The following TENM3 variants were observed in gnomAD, a reference collection of about 807,000 sequenced individuals.
TENM3 encodes the protein teneurin-3.
TENM3 carries 63 observed loss-of-function variants against 255.1 expected under a neutral mutation model. The observed-to-expected ratio is 0.25, with a 90% CI of 0.20 to 0.30. The LOEUF (loss-of-function observed/expected upper bound fraction) is 0.30, where lower values mean the gene tolerates loss of function less well. Among genes scored for constraint, TENM3 ranks in the 10% least tolerant of loss-of-function variants. TENM3 has a pLI of 1.00. For missense variants in TENM3, 2,929 were observed against 3,461.1 expected, an observed-to-expected ratio of 0.85 and a Z score of 3.86; for synonymous variants, 1,306 against 1,322.3, an observed-to-expected ratio of 0.99 and a Z score of 0.27.
intron 3 of TENM3, among the ~76,000 whole-genome samples, chr4:182,576,905 G>A (rs144291127): frequency 1.3e-5 from 2 of 152,270 alleles, no homozygotes; most frequent in Non-Finnish European, 2.9e-5. Context: ...TGCAAATGCC[G>A]AAGCGGAACA....
intron 1 of TENM3, among the ~76,000 whole-genome samples, chr4:182,272,336 A>G (rs1759698044): frequency 6.6e-6 from 1 of 152,206 alleles, no homozygotes; most frequent in Non-Finnish European, 1.5e-5. Flanking sequence ...GTAACAACGC[A>G]TTGCTCTTTG....
chr4:182,714,315 CAAAAAA>C (rs374337174), intron 13 of TENM3, 82 bp downstream of exon 13: 820 of 137,464 alleles, frequency 6.0e-3, no homozygotes, highest in East Asian at 0.018. Flanking sequence ...TATCTGTTGC[CAAAAAA>C]AAAAAAAAAA....
intron 1 of TENM3, among the ~76,000 whole-genome samples, chr4:182,275,087 C>A (rs58422785): frequency 6.6e-6 from 1 of 152,036 alleles, no homozygotes; most frequent in African/African-American, 2.4e-5. Context: ...GGCCTCCCAG[C>A]GTGCTGGGAT....
chr4:182,461,870 G>A (rs1205109989), intron 3 of TENM3, among the ~76,000 whole-genome samples: 1 of 152,090 alleles, frequency 6.6e-6, no homozygotes, highest in Non-Finnish European at 1.5e-5. Context: ...CTAAGATAGG[G>A]ACAGATCCAG....
intron 2 of TENM3, 22 bp from the exon 3 acceptor site, chr4:182,346,629 A>T: frequency 6.2e-7 from 1 of 1,604,898 alleles, no homozygotes; most frequent in Non-Finnish European, 8.5e-7. Flanking sequence ...ACTAGTTGTT[A>T]TCTTTTTTTC....
chr4:182,785,071 C>T (rs1765528430), intron 24 of TENM3, among the ~76,000 whole-genome samples: 2 of 149,572 alleles, frequency 1.3e-5, no homozygotes, highest in Admixed American at 1.3e-4. Context: ...GCCATCTTGG[C>T]TCCTCCCCCA....
At chr4:182,051,385 T>TC in the TENM3 span, among the ~76,000 whole-genome samples, 1 of 150,500 alleles carries the variant, frequency 6.6e-6, no homozygotes, top group African/African-American at 2.4e-5. Context: ...TCTCTTTTTT[T>TC]TTTTTTTTTG....
At chr4:181,657,428 C>G in the TENM3 span, among the ~76,000 whole-genome samples, 1 of 152,130 alleles carries the variant, frequency 6.6e-6, no homozygotes, top group Non-Finnish European at 1.5e-5. Flanking sequence ...TGCTCAGCAT[C>G]ACTAACCATC....
chr4:182,094,939 G>T, the TENM3 span, among the ~76,000 whole-genome samples: 1 of 95,560 alleles, frequency 1.0e-5, no homozygotes, highest in Non-Finnish European at 2.3e-5. Context: ...GGAAATAGAA[G>T]GTAAAAAAAA....
chr4:182,583,764 T>C (rs1021256085), intron 3 of TENM3, among the ~76,000 whole-genome samples: 5 of 152,174 alleles, frequency 3.3e-5, no homozygotes, highest in South Asian at 2.1e-4. Flanking sequence ...AAATAAAATA[T>C]ACATTTTGGC....
chr4:182,556,822 T>C (rs1250538371), intron 3 of TENM3, among the ~76,000 whole-genome samples: 1 of 152,172 alleles, frequency 6.6e-6, no homozygotes, highest in Non-Finnish European at 1.5e-5. Context: ...GAGAAAAGCA[T>C]ACAAAAACAT....
chr4:182,251,118 A>C (rs938511002), intron 1 of TENM3, among the ~76,000 whole-genome samples: 2 of 152,154 alleles, frequency 1.3e-5, no homozygotes, highest in Non-Finnish European at 2.9e-5. Context: ...CTGCATTTTG[A>C]GGTCTGGATT....
At chr4:182,670,620 C>T (rs955859710) in intron 6 of TENM3, among the ~76,000 whole-genome samples, 1 of 152,158 alleles carries the variant, frequency 6.6e-6, no homozygotes, top group South Asian at 2.1e-4. Flanking sequence ...GTACGTGTGT[C>T]ATGTAGGATG....
chr4:182,646,882 G>C lies in TENM3; in HGVS notation c.989-6889G>C, dbSNP rs138285575. 6.3e-3 allele frequency among the ~76,000 whole-genome samples: 965 copies of C among 152,236 alleles called. 17 individuals carry two copies. Among genetic ancestry groups the C allele is most frequent in the African/African-American group, 0.022 (928 of 41,520 alleles). ...TGTGTGCTGAGGAAGTATGTATTGT[G>C]GTCTCTTCTTTTGAGATACCTGGTA... On this transcript the variant is annotated intron_variant, in intron 5 of 27. Coordinates refer to ENST00000511685, the MANE Select transcript of TENM3 (RefSeq NM_001080477.4).
the TENM3 span, among the ~76,000 whole-genome samples, chr4:182,016,096 A>C: frequency 6.6e-6 from 1 of 152,108 alleles, no homozygotes; most frequent in African/African-American, 2.4e-5. Context: ...GACTCAACTT[A>C]ATGTGGGTGT....
At chr4:182,208,179 G>C (rs901186547) in intron 1 of TENM3, among the ~76,000 whole-genome samples, 2 of 152,204 alleles carry the variant, frequency 1.3e-5, no homozygotes, top group Non-Finnish European at 2.9e-5. Context: ...ATGATGTTAA[G>C]TATTTGTGAG....
the TENM3 span, among the ~76,000 whole-genome samples, chr4:181,732,481 T>C: frequency 6.6e-6 from 1 of 152,112 alleles, no homozygotes; most frequent in African/African-American, 2.4e-5. Context: ...GTAATGATTA[T>C]CTTAAAGGCC....
chr4:181,843,952 T>A, the TENM3 span, among the ~76,000 whole-genome samples: 1 of 152,126 alleles, frequency 6.6e-6, no homozygotes, highest in East Asian at 1.9e-4. Flanking sequence ...ACTCCTGACC[T>A]CGTGATCCGC....
the TENM3 span, among the ~76,000 whole-genome samples, chr4:181,969,006 ATG>A: frequency 4.9e-5 from 7 of 143,338 alleles, no homozygotes; most frequent in African/African-American, 7.9e-5. Context: ...ATACATATAT[ATG>A]TGTGTGTGTG....
Sources: allele counts gnomAD v4.1 joint callset (sites outside exome capture counted in the v4.1 genomes callset), GRCh38; gene constraint gnomAD v4.1.1; transcripts MANE v1.5; gene names NCBI Gene and HGNC (gene_info 2026-07-23, HGNC 2026-07-21).